BST1: variants seen among roughly 807,000 people sequenced by gnomAD.
BST1 encodes bone marrow stromal cell antigen 1.
In BST1, 49 loss-of-function variants were observed where a neutral mutation model predicts 40.6. The observed-to-expected ratio is 1.21, with a 90% confidence interval of 0.96 to 1.53. BST1 has a LOEUF of 1.53. Ranked by LOEUF, BST1 falls within the 40% of genes most tolerant of loss-of-function variation. The pLI is 0.00. For synonymous variants in BST1, 157 were observed against 159.3 expected (o/e 0.99, Z 0.11); for missense variants, 423 against 395.9 (o/e 1.07, Z -0.58).
At chr4:15,763,111 T>C in the BST1 span, among the ~76,000 whole-genome samples, 3 of 151,998 alleles carry the variant, frequency 2.0e-5, no homozygotes, top group Non-Finnish European at 4.4e-5. Context: ...AGAAAAAAAT[T>C]ATTTCTAGGC....
intron 8 of BST1, chr4:15,731,078 G>A (rs1721346527): frequency 2.1e-6 from 1 of 485,180 alleles, no homozygotes; most frequent in African/African-American, 2.0e-5. Flanking sequence ...ACAGGCAGGT[G>A]ACTGTTACAC....
chr4:15,767,372 C>A, the BST1 span, among the ~76,000 whole-genome samples: 1 of 151,430 alleles, frequency 6.6e-6, no homozygotes, highest in African/African-American at 2.4e-5. Context: ...GGTGTGATCT[C>A]AGCTCACTGC....
chr4:15,754,701 G>A, the BST1 span, among the ~76,000 whole-genome samples: 3 of 152,144 alleles, frequency 2.0e-5, no homozygotes, highest in African/African-American at 4.8e-5. Flanking sequence ...ATTTAAGTAC[G>A]TAGATTTGTT....
At chr4:15,735,040 C>A (rs58354572), downstream of BST1, among the ~76,000 whole-genome samples, 1 of 152,168 alleles carries the variant, frequency 6.6e-6, no homozygotes, top group African/African-American at 2.4e-5. Context: ...CTCAGCTGGG[C>A]TCCTCTAACC....
chr4:15,773,828 A>C, the BST1 span, among the ~76,000 whole-genome samples: 1 of 152,144 alleles, frequency 6.6e-6, no homozygotes, highest in South Asian at 2.1e-4. Flanking sequence ...AAACAAACAA[A>C]CAAAAACCAA....
chr4:15,762,691 T>G, the BST1 span, among the ~76,000 whole-genome samples: 1 of 151,990 alleles, frequency 6.6e-6, no homozygotes, highest in African/African-American at 2.4e-5. Context: ...TTTGTACTTT[T>G]TGACCATTTC....
Position 15,731,979 on chromosome 4 carries a change from G to A in BST1, c.*134G>A. 2 of 1,387,988 alleles carry A rather than the reference G, an allele frequency of 1.4e-6. No homozygotes were observed. Among genetic ancestry groups the A allele is most frequent in the Non-Finnish European group, 1.9e-6 (2 of 1,066,628 alleles). 86.0% of individuals were successfully genotyped at this position (1,387,988 alleles called of 1,614,324 possible). On this transcript the variant is annotated 3_prime_UTR_variant, in exon 9 of 9. Coordinates refer to ENST00000265016, the MANE Select transcript of BST1 (RefSeq NM_004334.3). ...GCTGGGAAAACGATGTCCTGAAAAT[G>A]GTATTTCAATGAGGCATATGTTCAG...
downstream of BST1, chr4:15,737,723 C>G: frequency 8.4e-7 from 1 of 1,185,640 alleles, no homozygotes; most frequent in Non-Finnish European, 1.1e-6. Context: ...AGGTACCTTA[C>G]ACTTGGCTGT....
At chr4:15,712,002 T>G (rs1253454742) in intron 4 of BST1, 113 bp downstream of exon 4, 2 of 823,324 alleles carry the variant, frequency 2.4e-6, no homozygotes. Flanking sequence ...TGAGCCTCAC[T>G]TTCCACTTTT....
exon 7 of BST1, chr4:15,738,107 C>G (rs1429926858): frequency 4.4e-6 from 1 of 229,548 alleles, no homozygotes; most frequent in African/African-American, 2.3e-5. Flanking sequence ...AGGTAAACTA[C>G]AGAGGCTGGG....
chr4:15,769,822 T>C, the BST1 span, among the ~76,000 whole-genome samples: 1 of 152,150 alleles, frequency 6.6e-6, no homozygotes, highest in Non-Finnish European at 1.5e-5. Context: ...CTTTGCTCTA[T>C]TTCCACTTTT....
chr4:15,735,170 T>A (rs1721510136), downstream of BST1, among the ~76,000 whole-genome samples: 2 of 152,162 alleles, frequency 1.3e-5, no homozygotes, highest in Admixed American at 1.3e-4. Flanking sequence ...TGGCAGACTC[T>A]AAGACATACC....
rs779234426 is a variant in BST1, at chr4:15,731,852, A to C, written c.*7A>C. ...TTCCAGGACTCAACTGTAACTGGAAACTGTGTTGCTCTAACCCTCCTCCAG... is the reference window on the plus strand; with the variant it reads ...TTCCAGGACTCAACTGTAACTGGAACCTGTGTTGCTCTAACCCTCCTCCAG... On this transcript the variant is annotated 3_prime_UTR_variant, in exon 9 of 9. Transcript: ENST00000265016. 6.2e-7 allele frequency: 1 copy of C among 1,611,266 alleles called. No homozygotes were observed. Among genetic ancestry groups the C allele is most frequent in the Non-Finnish European group, 8.5e-7 (1 of 1,178,758 alleles).
At chr4:15,763,928 C>T in the BST1 span, among the ~76,000 whole-genome samples, 4 of 151,930 alleles carry the variant, frequency 2.6e-5, no homozygotes, top group Non-Finnish European at 4.4e-5. Context: ...GAAGAGAGGA[C>T]GTGATGAATG....
chr4:15,751,373 C>CT, the BST1 span, among the ~76,000 whole-genome samples: 1 of 152,040 alleles, frequency 6.6e-6, no homozygotes, highest in Admixed American at 6.6e-5. Flanking sequence ...GGGCCAATGA[C>CT]TATGGCAAGC....
chr4:15,728,782 C>A (rs111541714), intron 8 of BST1, among the ~76,000 whole-genome samples: 13,224 of 151,726 alleles, frequency 0.087, 1,217 homozygotes, highest in East Asian at 0.52. Flanking sequence ...AGTAGCTGGG[C>A]CCACAGGTGT....
the BST1 span, among the ~76,000 whole-genome samples, chr4:15,744,238 T>C: frequency 2.0e-5 from 3 of 152,208 alleles, no homozygotes; most frequent in Non-Finnish European, 4.4e-5. Flanking sequence ...ATTGGCACAC[T>C]GCTATAAAGA....
chr4:15,733,221 T>A (rs532006062), downstream of BST1, among the ~76,000 whole-genome samples: 1 of 152,332 alleles, frequency 6.6e-6, no homozygotes. Context: ...TTTTACAGAG[T>A]GCTGATTGAT....
At chr4:15,764,873 G>GGTGTGTGTGTGTGTGTGTGTGTGTGTGT in the BST1 span, among the ~76,000 whole-genome samples, 19 of 137,456 alleles carry the variant, frequency 1.4e-4, no homozygotes, top group African/African-American at 4.1e-4. Flanking sequence ...AATTAGGTGA[G>GGTGTGTGTGTGTGTGTGTGTGTGTGTGT]GTGTGTGTGT....
Sources: gnomAD v4.1 joint callset for allele counts (sites outside exome capture counted in the v4.1 genomes callset) on GRCh38, gnomAD v4.1.1 for gene constraint, MANE v1.5 for transcripts, NCBI Gene and HGNC (gene_info 2026-07-23, HGNC 2026-07-21) for gene names.